Variants in CDH2 observed in about 807,000 individuals in gnomAD.
CDH2 encodes the protein cadherin 2.
Under a neutral mutation model 92.0 loss-of-function variants are expected in CDH2, and 17 were observed. The ratio of observed to expected loss-of-function variants is 0.18; its 90% CI spans 0.13 to 0.28. The LOEUF is 0.28. CDH2 is among the 10% of genes least tolerant of loss of function. CDH2 has a pLI of 1.00. For synonymous variants in CDH2, 419 were observed against 415.9 expected, an observed-to-expected ratio of 1.01 and a Z score of -0.09; for missense variants, 862 against 1,133.1, an observed-to-expected ratio of 0.76 and a Z score of 3.44.
intron 5 of CDH2, among the ~76,000 whole-genome samples, chr18:28,008,275 T>G (rs755743307): frequency 8.6e-5 from 13 of 151,608 alleles, no homozygotes; most frequent in Admixed American, 2.6e-4. Flanking sequence ...TAATGCTATG[T>G]TGTCTTTGTG....
At chr18:28,120,069 T>A (rs2015561479) in intron 2 of CDH2, among the ~76,000 whole-genome samples, 1 of 152,020 alleles carries the variant, frequency 6.6e-6, no homozygotes, top group Non-Finnish European at 1.5e-5. Context: ...CTTGTTTAAG[T>A]TATTGTTTTT....
chr18:28,092,828 G>T (rs2015060913), intron 2 of CDH2, among the ~76,000 whole-genome samples: 2 of 152,068 alleles, frequency 1.3e-5, no homozygotes, highest in African/African-American at 4.8e-5. Flanking sequence ...TAACAGTGAG[G>T]GATGAGGTCC....
chr18:27,954,001 A>G (rs1477936117), intron 15 of CDH2, among the ~76,000 whole-genome samples: 1 of 152,194 alleles, frequency 6.6e-6, no homozygotes, highest in African/African-American at 2.4e-5. Flanking sequence ...AAAAGTACAC[A>G]TGACCAGTTT....
intron 6 of CDH2, among the ~76,000 whole-genome samples, chr18:27,933,213 T>C (rs1053498076): frequency 2.0e-5 from 3 of 152,146 alleles, no homozygotes; most frequent in Admixed American, 6.6e-5. Context: ...ATACTGATGG[T>C]AATATTAAAT....
intron 2 of CDH2, among the ~76,000 whole-genome samples, chr18:28,024,939 TTAA>T (rs780546334): frequency 6.6e-6 from 1 of 152,080 alleles, no homozygotes; most frequent in Non-Finnish European, 1.5e-5. Context: ...ATTTACAAAA[TTAA>T]TAATTTTCTG....
chr18:28,081,134 A>G (rs2144190162), intron 2 of CDH2, among the ~76,000 whole-genome samples: 1 of 152,336 alleles, frequency 6.6e-6, no homozygotes. Flanking sequence ...TTAGTTACAC[A>G]GAGTCTCATC....
At chr18:28,159,411 T>C (rs1001818556) in intron 1 of CDH2, 2 of 152,296 alleles carry the variant, frequency 1.3e-5, no homozygotes, top group Non-Finnish European at 2.9e-5. Flanking sequence ...TTATCAGGAC[T>C]ACGGTGATAT....
chr18:27,946,722 A>G (rs932351662), downstream of CDH2, among the ~76,000 whole-genome samples: 3 of 152,026 alleles, frequency 2.0e-5, no homozygotes, highest in South Asian at 2.1e-4. Flanking sequence ...ATAACCACAT[A>G]TAACTTAAAA....
chr18:28,077,568 C>G (rs942957197), intron 2 of CDH2, among the ~76,000 whole-genome samples: 1 of 152,008 alleles, frequency 6.6e-6, no homozygotes, highest in Admixed American at 6.6e-5. Flanking sequence ...AAACAAACTG[C>G]AAAACACGTA....
intron 2 of CDH2, among the ~76,000 whole-genome samples, chr18:28,147,312 T>C (rs184104963): frequency 4.6e-5 from 7 of 152,200 alleles, no homozygotes; most frequent in Admixed American, 2.0e-4. Flanking sequence ...TACTAAGTAA[T>C]TTTTTGCTGT....
At chr18:27,984,428 A>G (rs374134001) in intron 13 of CDH2, among the ~76,000 whole-genome samples, 7 of 150,910 alleles carry the variant, frequency 4.6e-5, no homozygotes, top group Admixed American at 1.3e-4. Flanking sequence ...GCAATTCCTT[A>G]ATCTACACTT....
chr18:28,016,409 A>G (rs1279048345), intron 2 of CDH2, among the ~76,000 whole-genome samples: 3 of 152,230 alleles, frequency 2.0e-5, no homozygotes, highest in African/African-American at 4.8e-5. Context: ...AAGTACACAC[A>G]GCCTACTATA....
rs2012812816 is a variant in CDH2, at chr18:28,002,990, G to T, written c.1020+7C>A. ...ACAAACACAAATAGAGTTTTTGGTTGGCTTACTTCTCGATCAAGTCCAGCT... is the reference window on the plus strand; with the variant it reads ...ACAAACACAAATAGAGTTTTTGGTTTGCTTACTTCTCGATCAAGTCCAGCT... On this transcript the variant is annotated splice_region_variant and intron_variant, in intron 7 of 15. Coordinates refer to ENST00000269141, the MANE Select transcript of CDH2 (RefSeq NM_001792.5). The T allele has an allele frequency of 1.9e-6, 3 of 1,611,222 alleles. No homozygotes were observed. Among genetic ancestry groups the T allele is most frequent in the Admixed American group, 3.3e-5 (2 of 59,876 alleles).
intron 2 of CDH2, among the ~76,000 whole-genome samples, chr18:28,125,172 T>G (rs2015656079): frequency 6.6e-6 from 1 of 152,182 alleles, no homozygotes; most frequent in African/African-American, 2.4e-5. Context: ...GGTCCTCAAC[T>G]TCTGGTGGGA....
chr18:28,025,997 G>A (rs1013713923), intron 2 of CDH2, among the ~76,000 whole-genome samples: 6 of 152,086 alleles, frequency 3.9e-5, no homozygotes, highest in African/African-American at 1.4e-4. Context: ...AATCATTCAT[G>A]GGGGGCATGG....
chr18:28,095,767 G>A (rs1244763577), intron 2 of CDH2, among the ~76,000 whole-genome samples: 1 of 132,746 alleles, frequency 7.5e-6, no homozygotes, highest in Non-Finnish European at 1.5e-5. Flanking sequence ...CTGAGATCAT[G>A]TGACTGTACT....
intron 14 of CDH2, among the ~76,000 whole-genome samples, chr18:27,979,383 G>C (rs1182875664): frequency 6.6e-6 from 1 of 152,158 alleles, no homozygotes; most frequent in Non-Finnish European, 1.5e-5. Flanking sequence ...TACCACAGTG[G>C]GGAAGGGAGG....
intron 2 of CDH2, among the ~76,000 whole-genome samples, chr18:28,050,411 T>C (rs943113555): frequency 6.6e-6 from 1 of 152,182 alleles, no homozygotes; most frequent in East Asian, 1.9e-4. Flanking sequence ...ATTTAATAAA[T>C]ACTATGTCTC....
chr18:27,949,064 C>T (rs17497834), downstream of CDH2, among the ~76,000 whole-genome samples: 13 of 151,968 alleles, frequency 8.6e-5, no homozygotes, highest in Admixed American at 7.2e-4. Flanking sequence ...GGTTTTAGTA[C>T]GTCACATGGT....
Sources: allele counts gnomAD v4.1 joint callset (sites outside exome capture counted in the v4.1 genomes callset), GRCh38; gene constraint gnomAD v4.1.1; transcripts MANE v1.5; gene names NCBI Gene and HGNC (gene_info 2026-07-23, HGNC 2026-07-21).